The following EVI5 variants were observed in gnomAD, a reference collection of about 807,000 sequenced individuals.
EVI5 encodes the protein ecotropic viral integration site 5.
A neutral mutation model predicts 112.0 loss-of-function variants in EVI5; 73 were observed. The observed-to-expected ratio is 0.65, with a 90% CI of 0.54 to 0.79. The LOEUF is 0.79. EVI5 is among the 30% of genes least tolerant of loss of function. The probability of loss-of-function intolerance (pLI) is 0.00; values close to 1 mark genes in which losing one functional copy is unlikely to be tolerated. For synonymous variants in EVI5, 305 were observed against 319.9 expected (o/e 0.95, Z 0.50); for missense variants, 900 against 968.8 (o/e 0.93, Z 0.94).
intron 2 of EVI5, among the ~76,000 whole-genome samples, chr1:92,717,841 T>C (rs868180381): frequency 1.3e-5 from 2 of 150,658 alleles, no homozygotes; most frequent in South Asian, 2.1e-4. Flanking sequence ...AATAAAGGGA[T>C]GGAGGAAGAT....
intron 18 of EVI5, among the ~76,000 whole-genome samples, chr1:92,575,182 C>A (rs1019172042): frequency 6.6e-6 from 1 of 152,270 alleles, no homozygotes; most frequent in South Asian, 2.1e-4. Flanking sequence ...CACCCATATA[C>A]CCTTCAGCTA....
chr1:92,690,293 T>C (rs1669270594), intron 9 of EVI5, among the ~76,000 whole-genome samples: 1 of 151,590 alleles, frequency 6.6e-6, no homozygotes, highest in Admixed American at 6.6e-5. Flanking sequence ...ATTTTTAAAA[T>C]CATGCTTTTG....
At position 92,665,985 on chromosome 1, in the gene EVI5, C is replaced by G; in HGVS notation, c.1166G>C (p.Arg389Pro). 1.3e-6 allele frequency: 2 copies of G among 1,596,700 alleles called. No individual in the cohort carries two copies. The highest frequency in any genetic ancestry group is 1.1e-5 in the South Asian group (1 of 87,186). ...MEEQVEIKRL[R>P]TENRLLKQRI... ...CTGTTTTAAAAGTCTATTTTCTGTG[C>G]GTAACCTCTGCCAAGAAAAAAAAAG... Residue 389 changes from arginine to proline, a missense_variant, in exon 11 of 20, where the codon CGC becomes CCC. Physicochemically the swap from Arg to Pro is moderately radical, Grantham distance 103 (BLOSUM62 -2). Coordinates refer to ENST00000684568, the MANE Select transcript of EVI5 (RefSeq NM_001350197.2).
chr1:92,752,866 T>G (rs1289288499), intron 1 of EVI5, among the ~76,000 whole-genome samples: 2 of 152,166 alleles, frequency 1.3e-5, no homozygotes, highest in Non-Finnish European at 1.5e-5. Context: ...AGAATTTATT[T>G]AGAATCTACT....
chr1:92,735,215 A>G (rs1238035901), intron 2 of EVI5, among the ~76,000 whole-genome samples: 1 of 152,206 alleles, frequency 6.6e-6, no homozygotes, highest in Non-Finnish European at 1.5e-5. Flanking sequence ...ACATGATGGA[A>G]TACTATAAAA....
chr1:92,759,967 C>T (rs1681569496), intron 1 of EVI5, among the ~76,000 whole-genome samples: 1 of 150,840 alleles, frequency 6.6e-6, no homozygotes, highest in African/African-American at 2.4e-5. Context: ...CATGAGCATA[C>T]AAGTACCAAA....
At chr1:92,544,879 T>C (rs1361453935) in intron 19 of EVI5, among the ~76,000 whole-genome samples, 2 of 152,150 alleles carry the variant, frequency 1.3e-5, no homozygotes, top group East Asian at 3.9e-4. Context: ...TCTTATCATA[T>C]CACAGGTTCC....
intron 18 of EVI5, among the ~76,000 whole-genome samples, chr1:92,589,435 AT>A (rs1379461822): frequency 6.6e-6 from 1 of 152,128 alleles, no homozygotes; most frequent in African/African-American, 2.4e-5. Flanking sequence ...CACTTTTCCA[AT>A]GGTCTTAGCA....
chr1:92,561,185 G>A (rs1280275290), intron 19 of EVI5, among the ~76,000 whole-genome samples: 1 of 151,952 alleles, frequency 6.6e-6, no homozygotes, highest in African/African-American at 2.4e-5. Flanking sequence ...TTTTTATAAT[G>A]GTCTTATTCA....
chr1:92,590,313 C>T (rs1168269056), intron 18 of EVI5, among the ~76,000 whole-genome samples: 1 of 152,172 alleles, frequency 6.6e-6, no homozygotes, highest in Non-Finnish European at 1.5e-5. Context: ...GATCGAACTA[C>T]TCCGAGCTAA....
At chr1:92,533,731 C>G (rs981803567) in intron 19 of EVI5, among the ~76,000 whole-genome samples, 24 of 152,132 alleles carry the variant, frequency 1.6e-4, no homozygotes, top group African/African-American at 5.6e-4. Context: ...TATTCAACAG[C>G]CTTCATGCTA....
At chr1:92,665,321 GC>G (rs1664716130) in intron 11 of EVI5, among the ~76,000 whole-genome samples, 1 of 152,100 alleles carries the variant, frequency 6.6e-6, no homozygotes, top group African/African-American at 2.4e-5. Context: ...CATTCTTATA[GC>G]ATCTGTAAAT....
At chr1:92,620,893 T>C (rs1654407653) in intron 16 of EVI5, among the ~76,000 whole-genome samples, 1 of 152,150 alleles carries the variant, frequency 6.6e-6, no homozygotes, top group Admixed American at 6.5e-5. Flanking sequence ...ATTAGTAGCA[T>C]ATATATTTGG....
chr1:92,677,174 T>G lies in EVI5; in HGVS notation c.1142A>C (p.Glu381Ala), dbSNP rs1178673872. 1 of 1,591,770 alleles carries G rather than the reference T, an allele frequency of 6.3e-7. No individual in the cohort carries two copies. Among genetic ancestry groups the G allele is most frequent in the East Asian group, 2.2e-5 (1 of 44,488 alleles). The change falls in exon 10 of 20, where the codon GAG (glutamate) becomes GCG (alanine). Residue 381 changes from glutamate (E) to alanine (A), a missense_variant. Physicochemically the swap from Glu to Ala is moderately radical, Grantham distance 107 (BLOSUM62 -1). Coordinates refer to ENST00000684568, the MANE Select transcript of EVI5 (RefSeq NM_001350197.2). ...YTTIKTKEME[E>A]QVEIKRLRTE... The stretch of plus-strand genomic sequence containing the variant: ...ACTGCTTACTTTAATTTCAACTTGC[T>G]CTTCCATTTCTTTCGTTTTTATTGT...
intron 18 of EVI5, among the ~76,000 whole-genome samples, chr1:92,585,987 A>G (rs1672714922): frequency 6.6e-6 from 1 of 151,666 alleles, no homozygotes; most frequent in African/African-American, 2.4e-5. Flanking sequence ...GCCTTGAGTC[A>G]TTACTATTCA....
intron 1 of EVI5, among the ~76,000 whole-genome samples, chr1:92,770,601 T>G (rs991001265): frequency 6.6e-6 from 1 of 152,042 alleles, no homozygotes; most frequent in Non-Finnish European, 1.5e-5. Flanking sequence ...CCATCCTGGC[T>G]AACACAGTGA....
At chr1:92,573,771 C>T (rs1279628689) in intron 18 of EVI5, among the ~76,000 whole-genome samples, 1 of 151,934 alleles carries the variant, frequency 6.6e-6, no homozygotes, top group Non-Finnish European at 1.5e-5. Context: ...ACCCAGCTCT[C>T]AAGCAGAAAA....
intron 19 of EVI5, among the ~76,000 whole-genome samples, chr1:92,543,388 AAG>A (rs1665152240): frequency 6.6e-6 from 1 of 152,180 alleles, no homozygotes; most frequent in Admixed American, 6.6e-5. Flanking sequence ...CAAAGAATTG[AAG>A]AGAGTTATGG....
intron 2 of EVI5, among the ~76,000 whole-genome samples, chr1:92,729,550 G>A (rs1346007418): frequency 6.7e-6 from 1 of 149,730 alleles, no homozygotes; most frequent in Non-Finnish European, 1.5e-5. Context: ...ATATCCTTCA[G>A]GGATTGGTTC....
Sources: gnomAD v4.1 joint callset for allele counts (sites outside exome capture counted in the v4.1 genomes callset) on GRCh38, gnomAD v4.1.1 for gene constraint, MANE v1.5 for transcripts, NCBI Gene and HGNC (gene_info 2026-07-23, HGNC 2026-07-21) for gene names.